PDE1A: variants seen among roughly 807,000 people sequenced by gnomAD.
PDE1A encodes dual specificity calcium/calmodulin-dependent 3',5'-cyclic nucleotide phosphodiesterase 1A.
Under a neutral mutation model 61.7 loss-of-function variants are expected in PDE1A, and 35 were observed. The observed-to-expected ratio is 0.57, with a 90% CI of 0.43 to 0.75. The LOEUF (loss-of-function observed/expected upper bound fraction) is 0.75. Ranked by LOEUF, PDE1A falls within the 30% of genes least tolerant of loss-of-function variation. PDE1A has a pLI of 0.00. For synonymous variants in PDE1A, 232 were observed against 213.2 expected, an observed-to-expected ratio of 1.09 and a Z score of -0.77; for missense variants, 597 against 630.6, an observed-to-expected ratio of 0.95 and a Z score of 0.57.
intron 1 of PDE1A, among the ~76,000 whole-genome samples, chr2:182,319,343 T>C: frequency 6.6e-6 from 1 of 152,152 alleles, no homozygotes; most frequent in East Asian, 1.9e-4. Context: ...ACAAAAGAGA[T>C]TTTTAAATTT....
In PDE1A at chr2:182,287,852, T is replaced by G. The variant is rs552986932; in HGVS notation, c.54-23438A>C. On this transcript the variant is annotated intron_variant, in intron 1 of 13. Transcript: ENST00000351439. ...TTTCTCACTTAGGCAGGAACCTGTG[T>G]TTTTTGTTTGAAGGAAATTTTATAT... 2.6e-5 allele frequency among the ~76,000 whole-genome samples: 4 copies of G among 152,258 alleles called. No individual in the cohort carries two copies. The South Asian group carries it at 8.3e-4, about 32-fold the overall frequency.
At chr2:182,671,361 T>TTTTC in the PDE1A span, among the ~76,000 whole-genome samples, 1,982 of 114,100 alleles carry the variant, frequency 0.017, 79 homozygotes, top group Non-Finnish European at 0.026. Flanking sequence ...TTTTTTTTTT[T>TTTTC]GTATTTTTAG....
intron 1 of PDE1A, among the ~76,000 whole-genome samples, chr2:182,418,622 C>T (rs1703073216): frequency 6.6e-6 from 1 of 152,170 alleles, no homozygotes; most frequent in South Asian, 2.1e-4. Flanking sequence ...AAAGCATAAG[C>T]GTTTTAAGAG....
At chr2:182,550,799 A>C in the PDE1A span, among the ~76,000 whole-genome samples, 1 of 152,172 alleles carries the variant, frequency 6.6e-6, no homozygotes, top group Non-Finnish European at 1.5e-5. Flanking sequence ...TGGTTCCGCT[A>C]TCCTGTAGAG....
intron 1 of PDE1A, among the ~76,000 whole-genome samples, chr2:182,341,692 C>G (rs1231849502): frequency 6.6e-6 from 1 of 152,178 alleles, no homozygotes; most frequent in Non-Finnish European, 1.5e-5. Context: ...GCTATTCTTA[C>G]TCTGGTGCTT....
chr2:182,454,026 C>T (rs1338919692), intron 2 of PDE1A, among the ~76,000 whole-genome samples: 4 of 152,082 alleles, frequency 2.6e-5, no homozygotes, highest in South Asian at 2.1e-4. Flanking sequence ...ACCCCATTGT[C>T]TCAGCCCCAA....
At chr2:182,628,185 G>A in the PDE1A span, among the ~76,000 whole-genome samples, 173 of 152,046 alleles carry the variant, frequency 1.1e-3, 1 homozygote, top group African/African-American at 4.0e-3. Flanking sequence ...TATTGTTATC[G>A]CTAATTTTCA....
intron 2 of PDE1A, among the ~76,000 whole-genome samples, chr2:182,519,619 T>C (rs985543152): frequency 6.6e-6 from 1 of 151,884 alleles, no homozygotes; most frequent in Non-Finnish European, 1.5e-5. Flanking sequence ...AAAACAAAAA[T>C]GGTAGACAGC....
chr2:182,614,849 G>A, the PDE1A span, among the ~76,000 whole-genome samples: 30 of 152,222 alleles, frequency 2.0e-4, no homozygotes, highest in Admixed American at 1.7e-3. Flanking sequence ...AAGCCATTGT[G>A]CCCAGCCTAT....
rs1397198444 is a variant in PDE1A, at chr2:182,432,348, T to C, written c.101+89928A>G. On this transcript the variant is annotated intron_variant, in intron 2 of 14. Transcript: ENST00000410103. ...ACCAGAATACTTTTCATCCCCATTG[T>C]TGTAGGATTAAAAATACAGCACACT... 3.3e-5 allele frequency among the ~76,000 whole-genome samples: 5 copies of C among 152,136 alleles called. No homozygotes were observed. The South Asian group carries it at 6.2e-4, about 19-fold the overall frequency.
At chr2:182,324,422 T>A (rs112682265) in intron 1 of PDE1A, among the ~76,000 whole-genome samples, 1,690 of 152,176 alleles carry the variant, frequency 0.011, 25 homozygotes, top group South Asian at 0.069. Context: ...CATAAAATCA[T>A]CTTAATGTCT....
At chr2:182,360,532 T>C (rs1040392467) in intron 1 of PDE1A, among the ~76,000 whole-genome samples, 3 of 85,728 alleles carry the variant, frequency 3.5e-5, no homozygotes, top group Non-Finnish European at 6.2e-5. Flanking sequence ...GTTTAGTGTT[T>C]TTTTTTTTTT....
intron 1 of PDE1A, among the ~76,000 whole-genome samples, chr2:182,416,447 C>T (rs569944823): frequency 6.6e-6 from 1 of 152,308 alleles, no homozygotes; most frequent in African/African-American, 2.4e-5. Flanking sequence ...TTCATCCTCT[C>T]CCAATCTTTT....
intron 2 of PDE1A, among the ~76,000 whole-genome samples, chr2:182,436,656 A>G (rs1684437364): frequency 6.6e-6 from 1 of 152,030 alleles, no homozygotes; most frequent in Admixed American, 6.6e-5. Context: ...TGTGTTTGGC[A>G]GTCATTAACT....
At chr2:182,314,669 C>G (rs959970464) in intron 1 of PDE1A, 1 of 152,138 alleles carries the variant, frequency 6.6e-6, no homozygotes, top group Non-Finnish European at 1.5e-5. Flanking sequence ...AAGTGGCTGC[C>G]TGGGACCAGG....
At chr2:182,299,442 T>C (rs1302805058) in intron 1 of PDE1A, among the ~76,000 whole-genome samples, 2 of 146,844 alleles carry the variant, frequency 1.4e-5, no homozygotes. Context: ...TGGCCAGGGA[T>C]GTAATTCAAA....
chr2:182,352,912 A>G (rs1397634709), intron 1 of PDE1A, among the ~76,000 whole-genome samples: 1 of 152,224 alleles, frequency 6.6e-6, no homozygotes. Flanking sequence ...TAAATCAACA[A>G]TTTGACCCAG....
the PDE1A span, among the ~76,000 whole-genome samples, chr2:182,554,309 T>C: frequency 6.6e-6 from 1 of 152,322 alleles, no homozygotes; most frequent in South Asian, 2.1e-4. Flanking sequence ...GAAACTCCAG[T>C]CACGATTCCC....
chr2:182,208,724 G>A (rs1282889739), intron 7 of PDE1A, among the ~76,000 whole-genome samples: 3 of 152,160 alleles, frequency 2.0e-5, no homozygotes, highest in African/African-American at 7.2e-5. Context: ...AGCATACCCT[G>A]AATATGAGAC....
Sources: gnomAD v4.1 joint callset for allele counts (sites outside exome capture counted in the v4.1 genomes callset) on GRCh38, gnomAD v4.1.1 for gene constraint, MANE v1.5 for transcripts, NCBI Gene and HGNC (gene_info 2026-07-23, HGNC 2026-07-21) for gene names.